Variants in GCFC2 observed in about 807,000 individuals in gnomAD.
GCFC2 encodes GC-rich sequence DNA-binding factor 2.
In GCFC2, 102 loss-of-function variants were observed where a neutral mutation model predicts 99.4. The observed-to-expected ratio is 1.03, with a 90% CI of 0.87 to 1.21. The LOEUF (loss-of-function observed/expected upper bound fraction) is 1.21, where lower values mean the gene tolerates loss of function less well. GCFC2 is among the 50% of genes most tolerant of loss of function. The pLI is 0.00. For synonymous variants in GCFC2, 338 were observed against 316.8 expected (o/e 1.07, Z -0.71); for missense variants, 973 against 920.9 (o/e 1.06, Z -0.73).
chr2:75,677,909 C>T (rs1394634830), intron 12 of GCFC2, among the ~76,000 whole-genome samples: 3 of 150,832 alleles, frequency 2.0e-5, no homozygotes, highest in East Asian at 2.0e-4. Flanking sequence ...ACCTGGGAGG[C>T]GGAGGTTGCA....
upstream of GCFC2, among the ~76,000 whole-genome samples, chr2:75,712,418 G>A (rs1681224635): frequency 6.6e-6 from 1 of 152,130 alleles, no homozygotes; most frequent in Non-Finnish European, 1.5e-5. Context: ...AATCTGATGG[G>A]GATGTGGAGA....
chr2:75,705,211 G>A (rs1680789283), intron 2 of GCFC2, among the ~76,000 whole-genome samples: 1 of 152,138 alleles, frequency 6.6e-6, no homozygotes, highest in Non-Finnish European at 1.5e-5. Context: ...CTGTTTACTA[G>A]ATTTCAGTTC....
intron 12 of GCFC2, among the ~76,000 whole-genome samples, chr2:75,674,673 A>G (rs1246356050): frequency 1.3e-5 from 2 of 152,078 alleles, no homozygotes; most frequent in African/African-American, 4.8e-5. Flanking sequence ...TTAGAGTAAA[A>G]GTTAATTTTT....
chr2:75,677,136 T>G (rs1365328862), intron 12 of GCFC2, among the ~76,000 whole-genome samples: 2 of 152,252 alleles, frequency 1.3e-5, no homozygotes, highest in Admixed American at 6.5e-5. Context: ...TATTTGGGAA[T>G]CCTATCAATG....
intron 11 of GCFC2, among the ~76,000 whole-genome samples, chr2:75,685,992 A>G (rs1679796502): frequency 6.6e-6 from 1 of 152,176 alleles, no homozygotes; most frequent in Non-Finnish European, 1.5e-5. Flanking sequence ...CAACCAATCC[A>G]TTAGCACATT....
Position 75,710,736 on chromosome 2 carries a change from A to G in GCFC2, c.120T>C (p.Ser40=), listed in dbSNP as rs776846944. 9 of 1,559,688 alleles carry G rather than the reference A, an allele frequency of 5.8e-6. No individual in the cohort carries two copies. Among genetic ancestry groups the G allele is most frequent in the East Asian group, 2.4e-5 (1 of 41,104 alleles). ...CTCCAGAGGGCGGCTCTTCCTCCGC[A>G]GAACCCGGGACCGGAAGTTCCCTCG... ...GAPRELPVPG[S]AEEEPPSGGG... The change falls in exon 1 of 17, where the codon TCT becomes TCC. Residue 40 remains serine (S), a synonymous_variant. Coordinates refer to ENST00000321027, the MANE Select transcript of GCFC2 (RefSeq NM_003203.5).
chr2:75,698,035 GA>G (rs1279901096), intron 4 of GCFC2: 2 of 152,180 alleles, frequency 1.3e-5, no homozygotes, highest in African/African-American at 4.8e-5. Context: ...GGAGCCACAG[GA>G]AAGTAACACA....
chr2:75,696,756 G>C (rs2104377670), intron 4 of GCFC2, among the ~76,000 whole-genome samples: 1 of 152,122 alleles, frequency 6.6e-6, no homozygotes, highest in Non-Finnish European at 1.5e-5. Context: ...TGGAGGGTTT[G>C]TAGGTAAAGT....
At position 75,701,955 on chromosome 2, in the gene GCFC2, C is replaced by G. The variant is rs1017418806; in HGVS notation, c.619+244G>C. ...TAAGATACTGCACATTTTTTTTAAC[C>G]TGTCCAAAAACATCAAGGTGGGAGG... On this transcript the variant is annotated intron_variant, in intron 3 of 16. Transcript: ENST00000321027. The G allele has an allele frequency of 2.4e-6, 3 of 1,249,548 alleles. No individual in the cohort carries two copies. In the African/African-American group the frequency reaches 4.6e-5, roughly 19 times the overall value. The allele number at this position is 1,249,548 out of a possible 1,614,324, so 77.4% of individuals were successfully genotyped here.
At chr2:75,705,711 T>C (rs919749696) in intron 2 of GCFC2, among the ~76,000 whole-genome samples, 2 of 152,034 alleles carry the variant, frequency 1.3e-5, no homozygotes, top group Admixed American at 1.3e-4. Context: ...TCAATATAAT[T>C]TGTTTCCTCT....
At chr2:75,692,735 G>A (rs1573074153) in intron 6 of GCFC2, among the ~76,000 whole-genome samples, 1 of 151,752 alleles carries the variant, frequency 6.6e-6, no homozygotes, top group East Asian at 1.9e-4. Flanking sequence ...TGAGACAGAA[G>A]AATAGGAAAA....
At chr2:75,705,616 C>CAAAAAAAAAAAA (rs34447327) in intron 2 of GCFC2, among the ~76,000 whole-genome samples, 2 of 84,336 alleles carry the variant, frequency 2.4e-5, no homozygotes, top group East Asian at 3.2e-4. Flanking sequence ...GACTCCATCT[C>CAAAAAAAAAAAA]AAAAAAAAAA....
At chr2:75,702,637 G>A (rs1038578706) in intron 2 of GCFC2, among the ~76,000 whole-genome samples, 3 of 152,124 alleles carry the variant, frequency 2.0e-5, no homozygotes, top group African/African-American at 7.2e-5. Flanking sequence ...AACAAATCTA[G>A]AAGTATCAGA....
intron 4 of GCFC2, among the ~76,000 whole-genome samples, chr2:75,697,088 G>C (rs1680361438): frequency 6.6e-6 from 1 of 152,076 alleles, no homozygotes; most frequent in African/African-American, 2.4e-5. Context: ...GCCCAGCCAA[G>C]ACATTCTTAT....
At chr2:75,671,620 T>G (rs1198076527) in intron 14 of GCFC2, among the ~76,000 whole-genome samples, 4 of 152,164 alleles carry the variant, frequency 2.6e-5, no homozygotes, top group Admixed American at 6.5e-5. Context: ...TTGCCTGTTT[T>G]TATAGGGTCC....
Position 75,689,228 on chromosome 2 carries a change from G to A in GCFC2, c.1340-3C>T, listed in dbSNP as rs192660362. Reference sequence around the variant, plus strand: ...CTTCTGTTTCTGTAAAATGTCACCTGTAAACAAAATAAGTCTCTTTATGCA... The same window carrying A: ...CTTCTGTTTCTGTAAAATGTCACCTATAAACAAAATAAGTCTCTTTATGCA... On this transcript the variant is annotated splice_region_variant and splice_polypyrimidine_tract_variant and intron_variant, in intron 9 of 16. Transcript: ENST00000321027. 19 of 1,536,074 alleles carry A rather than the reference G, an allele frequency of 1.2e-5. No individual in the cohort carries two copies. The East Asian group carries it at 2.9e-4, about 24-fold the overall frequency.
At chr2:75,689,315 A>T (rs1445460902) in intron 9 of GCFC2, 90 bp from the exon 10 acceptor site, 2 of 652,764 alleles carry the variant, frequency 3.1e-6, no homozygotes, top group African/African-American at 3.8e-5. Context: ...ACTGTAATCA[A>T]TTGAGCTAAA....
chr2:75,670,375 A>C, intron 14 of GCFC2, 91 bp from the exon 15 acceptor site: 1 of 819,264 alleles, frequency 1.2e-6, no homozygotes, highest in Non-Finnish European at 2.0e-6. Flanking sequence ...TCAAACTAAA[A>C]TTCTCACTAC....
At chr2:75,670,378 C>T (rs1679043585) in intron 14 of GCFC2, 94 bp from the exon 15 acceptor site, 1 of 797,320 alleles carries the variant, frequency 1.3e-6, no homozygotes, top group Admixed American at 2.1e-5. Context: ...AACTAAAATT[C>T]TCACTACAAT....
Sources: allele counts gnomAD v4.1 joint callset (sites outside exome capture counted in the v4.1 genomes callset), GRCh38; gene constraint gnomAD v4.1.1; transcripts MANE v1.5; gene names NCBI Gene and HGNC (gene_info 2026-07-23, HGNC 2026-07-21).